The following GPRIN2 variants were observed in gnomAD, a reference collection of about 807,000 sequenced individuals.
The protein encoded by GPRIN2 is G protein-regulated inducer of neurite outgrowth 2.
Under a neutral mutation model 0.3 loss-of-function variants are expected in GPRIN2, and 1 was observed. The ratio of observed to expected loss-of-function variants is 3.90; its 90% CI spans 1.39 to 18.51. The LOEUF is 18.51. Among genes scored for constraint, GPRIN2 ranks in the 30% most tolerant of loss-of-function variants. The pLI is 0.11. For synonymous variants in GPRIN2, 361 were observed against 258.6 expected, an observed-to-expected ratio of 1.40 and a Z score of -3.80; for missense variants, 880 against 604.2, an observed-to-expected ratio of 1.46 and a Z score of -4.79.
rs1376670241 is a variant in GPRIN2, at chr10:46,543,798, T to G, written c.*5562A>C. On this transcript the variant is annotated 3_prime_UTR_variant, in exon 3 of 3. Coordinates refer to ENST00000374314, the MANE Select transcript of GPRIN2 (RefSeq NM_001385282.1). Reference sequence around the variant, plus strand: ...GTATTTTGGGGCCAGACCTTCCTCCTTGCTGGGCTATCTCGGGCTTGGAGT... The same window carrying G: ...GTATTTTGGGGCCAGACCTTCCTCCGTGCTGGGCTATCTCGGGCTTGGAGT... Among the ~76,000 whole-genome samples the G allele has an allele frequency of 6.6e-6, 1 of 152,308 alleles. No homozygotes were observed. The highest frequency in any genetic ancestry group is 1.9e-4 in the East Asian group (1 of 5,208).
Position 46,548,938 on chromosome 10 carries a change from G to A in GPRIN2, c.*422C>T, listed in dbSNP as rs1488477193. 1 of 207,830 alleles carries A rather than the reference G, an allele frequency of 4.8e-6. No homozygotes were observed. Among genetic ancestry groups the A allele is most frequent in the East Asian group, 1.1e-4 (1 of 8,756 alleles). 12.9% of individuals were successfully genotyped at this position (207,830 alleles called of 1,614,324 possible). On this transcript the variant is annotated 3_prime_UTR_variant, in exon 3 of 3. Transcript: ENST00000374314. ...TTCCCTAAAGACCTGGGCAGTCCCT[G>A]TCACTGGGGCCTCACATTTCATGTC...
In GPRIN2 at chr10:46,543,981, A is replaced by G. The variant is rs1176933352; in HGVS notation, c.*5379T>C. Among the ~76,000 whole-genome samples, 1 of 152,236 alleles carries G rather than the reference A, an allele frequency of 6.6e-6. No homozygotes were observed. Among genetic ancestry groups the G allele is most frequent in the African/African-American group, 2.4e-5 (1 of 41,472 alleles). On this transcript the variant is annotated 3_prime_UTR_variant, in exon 3 of 3. Coordinates refer to ENST00000374314, the MANE Select transcript of GPRIN2 (RefSeq NM_001385282.1). Reference sequence around the variant, plus strand: ...TCGCTTGTTTTTTTTTTTAGTAAACATCAGCTTTCCTCAGGTGTTCTTCTG... The same window carrying G: ...TCGCTTGTTTTTTTTTTTAGTAAACGTCAGCTTTCCTCAGGTGTTCTTCTG...
rs1832183824 is a variant in GPRIN2 at position 46,551,536 on chromosome 10, G to A, written c.-6-794C>T. 1.6e-5 allele frequency: 16 copies of A among 981,990 alleles called. No homozygotes were observed. The East Asian group carries it at 6.8e-4, about 42-fold the overall frequency. The allele number at this position is 981,990 out of a possible 1,614,324, so 60.8% of individuals were successfully genotyped here. On this transcript the variant is annotated intron_variant, in intron 2 of 2. Coordinates refer to ENST00000374314, the MANE Select transcript of GPRIN2 (RefSeq NM_001385282.1). Reference sequence around the variant, plus strand: ...GCCCCTACTGCGTGCCCAGCTGTAGGGCTAGGGAACATGGGATTCATTCAG... The same window carrying A: ...GCCCCTACTGCGTGCCCAGCTGTAGAGCTAGGGAACATGGGATTCATTCAG...
At chr10:46,556,342 G>A (rs1346100057) in intron 1 of GPRIN2, among the ~76,000 whole-genome samples, 156 bp downstream of exon 1, 1 of 152,308 alleles carries the variant, frequency 6.6e-6, no homozygotes, top group Non-Finnish European at 1.5e-5. Flanking sequence ...GGAGTGCGAT[G>A]CGGCCACCGG....
Position 46,549,244 on chromosome 10 carries a change from G to A in GPRIN2, c.*116C>T. 1.5e-6 allele frequency: 2 copies of A among 1,316,556 alleles called. No homozygotes were observed. The highest frequency in any genetic ancestry group is 1.0e-6 in the Non-Finnish European group (1 of 996,026). 81.6% of individuals were successfully genotyped at this position (1,316,556 alleles called of 1,614,324 possible). ...GTGGTCTGGAGGCAGCCAATATTCA[G>A]GTGAGAGATGTGCCCAGCTGCCGGT... On this transcript the variant is annotated 3_prime_UTR_variant, in exon 3 of 3. Coordinates refer to ENST00000374314, the MANE Select transcript of GPRIN2 (RefSeq NM_001385282.1).
In GPRIN2 at chr10:46,545,788, C is replaced by T. The variant is rs1842101959; in HGVS notation, c.*3572G>A. ...TGCTGAGCACTAACTCAGTGCCAGG[C>T]ACTACTTGGGTTATTCTATTTAATC... On this transcript the variant is annotated 3_prime_UTR_variant, in exon 3 of 3. Coordinates refer to ENST00000374314, the MANE Select transcript of GPRIN2 (RefSeq NM_001385282.1). 6.6e-6 allele frequency among the ~76,000 whole-genome samples: 1 copy of T among 152,306 alleles called. No individual in the cohort carries two copies. Among genetic ancestry groups the T allele is most frequent in the African/African-American group, 2.4e-5 (1 of 41,486 alleles).
upstream of GPRIN2, among the ~76,000 whole-genome samples, chr10:46,557,078 C>A (rs1295999220): frequency 1.4e-5 from 2 of 140,328 alleles, no homozygotes; most frequent in African/African-American, 5.1e-5. Flanking sequence ...TTGAGGTCTC[C>A]GCGCCGGCGG....
In GPRIN2 at chr10:46,549,381, G is replaced by T; in HGVS notation, c.1356C>A (p.Cys452Ter). 1 of 1,486,652 alleles carries T rather than the reference G, an allele frequency of 6.7e-7. No individual in the cohort carries two copies. The highest frequency in any genetic ancestry group is 8.9e-7 in the Non-Finnish European group (1 of 1,120,842). 92.1% of individuals were successfully genotyped at this position (1,486,652 alleles called of 1,614,324 possible). A position where few individuals can be genotyped will look rare whatever the true frequency, so the allele number is the denominator to read the frequency against. The change falls in exon 3 of 3, where the codon TGC becomes TGA. Residue 452 changes from cysteine (C) to a stop codon, truncating the protein, a stop_gained. Coordinates refer to ENST00000374314, the MANE Select transcript of GPRIN2 (RefSeq NM_001385282.1). LOFTEE classifies it high-confidence loss of function. ...QSLRRPSCCG[C>*]SGAAPE ...CTCCTCACTCGGGGGCCGCGCCGGA[G>T]CAGCCGCAGCAGCTGGGGCGCCGCA...
chr10:46,549,136 G>A lies in GPRIN2; in HGVS notation c.*224C>T, dbSNP rs1832765958. 89 of 537,334 alleles carry A rather than the reference G, an allele frequency of 1.7e-4. No homozygotes were observed. The African/African-American group carries it at 1.7e-3, about 10-fold the overall frequency. 33.3% of individuals were successfully genotyped at this position (537,334 alleles called of 1,614,324 possible). On this transcript the variant is annotated 3_prime_UTR_variant, in exon 3 of 3. Transcript: ENST00000374314. ...TGTCTCAAAGTTCAGAGCCCGGAAG[G>A]TGCAGAGATGTGGCCCTTGGAAATC... is the stretch of plus-strand genomic sequence containing the variant.
At chr10:46,556,775 G>T (rs1431130495), upstream of GPRIN2, among the ~76,000 whole-genome samples, 1 of 152,254 alleles carries the variant, frequency 6.6e-6, no homozygotes, top group African/African-American at 2.4e-5. Flanking sequence ...CGCGGCCCGG[G>T]ATCTGCGTCC....
rs1841863683 is a variant in GPRIN2, at chr10:46,542,876, A to G, written c.*6484T>C. Among the ~76,000 whole-genome samples, 1 of 152,312 alleles carries G rather than the reference A, an allele frequency of 6.6e-6. No homozygotes were observed. Among genetic ancestry groups the G allele is most frequent in the African/African-American group, 2.4e-5 (1 of 41,488 alleles). On this transcript the variant is annotated 3_prime_UTR_variant, in exon 3 of 3. Coordinates refer to ENST00000374314, the MANE Select transcript of GPRIN2 (RefSeq NM_001385282.1). ...AGATTCTGAAAACATGGATGAGGAG[A>G]TGGCCTGCCTAAAGCCAGCAGATGG...
intron 1 of GPRIN2, among the ~76,000 whole-genome samples, chr10:46,556,196 G>A (rs1843199445): frequency 1.3e-5 from 2 of 152,426 alleles, no homozygotes; most frequent in Admixed American, 1.3e-4. Flanking sequence ...AAGGAAGAAG[G>A]GGAGAGGGAG....
In GPRIN2 at chr10:46,550,031, A is replaced by G; in HGVS notation, c.706T>C (p.Cys236Arg). ...CHALPPAALLCGMREVRAGGC... is the reference protein window; with the variant it reads ...CHALPPAALLRGMREVRAGGC... Reference sequence around the variant, plus strand: ...CCAGCCCTCACCTCCCTCATGCCACAGAGTAGAGCAGCTGGGGGCAGAGCA... The same window carrying G: ...CCAGCCCTCACCTCCCTCATGCCACGGAGTAGAGCAGCTGGGGGCAGAGCA... Residue 236 changes from cysteine (C) to arginine (R), a missense_variant, in exon 3 of 3, where the codon TGT (cysteine) becomes CGT (arginine). Coordinates refer to ENST00000374314, the MANE Select transcript of GPRIN2 (RefSeq NM_001385282.1). 1 of 1,583,368 alleles carries G rather than the reference A, an allele frequency of 6.3e-7. No individual in the cohort carries two copies. Among genetic ancestry groups the G allele is most frequent in the Non-Finnish European group, 8.6e-7 (1 of 1,163,416 alleles).
In GPRIN2 at chr10:46,549,669, C is replaced by A. The variant is rs1832636355; in HGVS notation, c.1068G>T (p.Ala356=). The part of the protein sequence containing the change: ...KAVATSPSLE[A]PAALHVFPEV... ...CTGGGAACACATGCAGGGCTGCAGG[C>A]GCTTCCAGGGACGGACTGGTGGCCA... is the stretch of plus-strand genomic sequence containing the variant. The change falls in exon 3 of 3, where the codon GCG becomes GCT. Residue 356 remains alanine (A), a synonymous_variant. Coordinates refer to ENST00000374314, the MANE Select transcript of GPRIN2 (RefSeq NM_001385282.1). 1.9e-6 allele frequency: 3 copies of A among 1,614,160 alleles called. No homozygotes were observed. Among genetic ancestry groups the A allele is most frequent in the Middle Eastern group, 1.7e-4 (1 of 6,060 alleles).
Position 46,542,015 on chromosome 10 carries a change from A to C in GPRIN2, c.*7345T>G, listed in dbSNP as rs1445910355. ...TCCCTGAATACCCCCAACTCTGAAG[A>C]GAAAAAAAATCAAACCAAAGAGTTT... On this transcript the variant is annotated 3_prime_UTR_variant, in exon 3 of 3. Transcript: ENST00000374314. Among the ~76,000 whole-genome samples the C allele has an allele frequency of 2.6e-5, 4 of 152,302 alleles. No homozygotes were observed. Among genetic ancestry groups the C allele is most frequent in the African/African-American group, 9.6e-5 (4 of 41,484 alleles).
At chr10:46,555,159 C>T (rs1831936404) in intron 1 of GPRIN2, among the ~76,000 whole-genome samples, 107 of 152,380 alleles carry the variant, frequency 7.0e-4, no homozygotes, top group Non-Finnish European at 1.3e-3. Context: ...GTTGGCCAGG[C>T]TGGTCTCGAA....
intron 2 of GPRIN2, among the ~76,000 whole-genome samples, chr10:46,553,377 G>GGACA (rs1842827504): frequency 6.6e-6 from 1 of 152,308 alleles, no homozygotes; most frequent in Admixed American, 6.5e-5. Context: ...CTCCTGACTG[G>GGACA]GACAGCTGTG....
chr10:46,554,411 T>A, intron 2 of GPRIN2, among the ~76,000 whole-genome samples, 174 bp downstream of exon 2: 1 of 152,310 alleles, frequency 6.6e-6, no homozygotes, highest in East Asian at 1.9e-4. Flanking sequence ...TACGCATGCA[T>A]ACAAGTCTAG....
rs1842039242 is a variant in GPRIN2 at position 46,545,102 on chromosome 10, C to G, written c.*4258G>C. Among the ~76,000 whole-genome samples the G allele has an allele frequency of 6.6e-6, 1 of 152,312 alleles. No individual in the cohort carries two copies. Among genetic ancestry groups the G allele is most frequent in the East Asian group, 1.9e-4 (1 of 5,208 alleles). On this transcript the variant is annotated 3_prime_UTR_variant, in exon 3 of 3. Transcript: ENST00000374314. ...CCAAGGCTGCTTGGCGTGAACAAAA[C>G]TGAGACAGAGCAATGCATGGAGAAA...
Sources: allele counts gnomAD v4.1 joint callset (sites outside exome capture counted in the v4.1 genomes callset), GRCh38; gene constraint gnomAD v4.1.1; transcripts MANE v1.5; gene names NCBI Gene and HGNC (gene_info 2026-07-23, HGNC 2026-07-21).